Variants in ASIC2 observed in about 807,000 individuals in gnomAD.
The protein encoded by ASIC2 is acid-sensing ion channel 2.
ASIC2 carries 25 observed loss-of-function variants against 57.3 expected under a neutral mutation model. The observed-to-expected ratio is 0.44, with a 90% CI of 0.32 to 0.61. ASIC2 has a LOEUF of 0.61. Among genes scored for constraint, ASIC2 ranks in the 20% least tolerant of loss-of-function variants. The probability of loss-of-function intolerance (pLI) is 0.06; values close to 1 mark genes in which losing one functional copy is unlikely to be tolerated. For synonymous variants in ASIC2, 319 were observed against 307.5 expected, an observed-to-expected ratio of 1.04 and a Z score of -0.39; for missense variants, 641 against 738.1, an observed-to-expected ratio of 0.87 and a Z score of 1.52.
intron 1 of ASIC2, among the ~76,000 whole-genome samples, chr17:34,009,339 AC>A (rs1906635502): frequency 6.6e-6 from 1 of 152,228 alleles, no homozygotes; most frequent in African/African-American, 2.4e-5. Flanking sequence ...TGTGAAAGCC[AC>A]CAGCCACACT....
chr17:33,271,696 C>A (rs1361204294), intron 1 of ASIC2, among the ~76,000 whole-genome samples: 1 of 152,238 alleles, frequency 6.6e-6, no homozygotes, highest in Non-Finnish European at 1.5e-5. Flanking sequence ...CTAGTCCAGT[C>A]CACCAGCATC....
intron 1 of ASIC2, among the ~76,000 whole-genome samples, chr17:33,970,929 C>T (rs746669039): frequency 6.6e-6 from 1 of 152,152 alleles, no homozygotes; most frequent in Non-Finnish European, 1.5e-5. Flanking sequence ...AGATTCATCG[C>T]CCTTCAGTCC....
chr17:33,800,746 T>C (rs1330550570), intron 1 of ASIC2, among the ~76,000 whole-genome samples: 2 of 152,186 alleles, frequency 1.3e-5, no homozygotes, highest in African/African-American at 4.8e-5. Context: ...ATTATAGTGA[T>C]AGCAATAGAT....
intron 1 of ASIC2, among the ~76,000 whole-genome samples, chr17:33,115,103 C>T (rs1462618506): frequency 6.6e-6 from 1 of 152,174 alleles, no homozygotes; most frequent in Non-Finnish European, 1.5e-5. Context: ...AGGGCTGGTA[C>T]CCATCCTAGC....
At chr17:33,678,850 G>T (rs1907910450) in intron 1 of ASIC2, among the ~76,000 whole-genome samples, 1 of 152,090 alleles carries the variant, frequency 6.6e-6, no homozygotes, top group Non-Finnish European at 1.5e-5. Context: ...ACCCTCCCTT[G>T]TGATTCACTA....
chr17:34,104,395 T>C (rs929172566), intron 1 of ASIC2, among the ~76,000 whole-genome samples: 3 of 152,124 alleles, frequency 2.0e-5, no homozygotes, highest in African/African-American at 7.2e-5. Flanking sequence ...TGAGTTTGAA[T>C]TAATTAAATA....
chr17:33,136,437 A>G (rs1174850590), intron 1 of ASIC2, among the ~76,000 whole-genome samples: 2 of 152,246 alleles, frequency 1.3e-5, no homozygotes, highest in African/African-American at 4.8e-5. Context: ...ATCTGAGTGC[A>G]TACATGCTTG....
At position 33,291,618 on chromosome 17, in the gene ASIC2, G is replaced by A. The variant is rs751416838; in HGVS notation, c.498C>T (p.Thr166=). 1.2e-6 allele frequency: 2 copies of A among 1,608,418 alleles called. No individual in the cohort carries two copies. The highest frequency in any genetic ancestry group is 2.2e-5 in the South Asian group (2 of 90,794). Residue 166 remains threonine (T), a synonymous_variant, in exon 1 of 10, where the codon ACC becomes ACT. Transcript: ENST00000225823. ...HWLGLLLPNR[T]ARPLVSELLR... ...GCAGCTCGCTGACAAGCGGGCGCGCGGTGCGGTTGGGCAGCAGCAGCCCGA... is the reference window on the plus strand; with the variant it reads ...GCAGCTCGCTGACAAGCGGGCGCGCAGTGCGGTTGGGCAGCAGCAGCCCGA...
intron 1 of ASIC2, among the ~76,000 whole-genome samples, chr17:34,025,126 G>C (rs1421338831): frequency 6.6e-6 from 1 of 152,186 alleles, no homozygotes; most frequent in African/African-American, 2.4e-5. Flanking sequence ...GAGGCTGAGA[G>C]ACCAGCTCCT....
intron 1 of ASIC2, among the ~76,000 whole-genome samples, chr17:33,376,233 A>G (rs929103800): frequency 4.6e-5 from 7 of 152,164 alleles, no homozygotes; most frequent in African/African-American, 1.7e-4. Flanking sequence ...CAGTCAAAAA[A>G]GAATACAAAT....
chr17:33,441,296 A>T (rs930102101), intron 1 of ASIC2, among the ~76,000 whole-genome samples: 1 of 152,118 alleles, frequency 6.6e-6, no homozygotes, highest in African/African-American at 2.4e-5. Flanking sequence ...CCTCTTGAAA[A>T]ACATTTTTAA....
At chr17:33,056,248 C>T (rs904040762) in intron 3 of ASIC2, among the ~76,000 whole-genome samples, 1 of 152,210 alleles carries the variant, frequency 6.6e-6, no homozygotes, top group Non-Finnish European at 1.5e-5. Flanking sequence ...CACAGGTGGA[C>T]ACACCAACAC....
At chr17:33,103,079 G>T (rs189191026) in intron 2 of ASIC2, among the ~76,000 whole-genome samples, 1 of 152,132 alleles carries the variant, frequency 6.6e-6, no homozygotes, top group Non-Finnish European at 1.5e-5. Context: ...CACAGCACCC[G>T]GCCACATATT....
intron 1 of ASIC2, among the ~76,000 whole-genome samples, chr17:33,592,385 C>T (rs1904854657): frequency 6.6e-6 from 1 of 152,248 alleles, no homozygotes; most frequent in Admixed American, 6.5e-5. Context: ...TTAGGCCAGC[C>T]TCTATCTCAT....
chr17:33,547,256 G>A (rs1915607594), intron 1 of ASIC2, among the ~76,000 whole-genome samples: 1 of 148,026 alleles, frequency 6.8e-6, no homozygotes, highest in African/African-American at 2.7e-5. Flanking sequence ...TGGGGCAGCA[G>A]AGGGGGTGGG....
chr17:33,872,034 C>T (rs375264802), intron 1 of ASIC2, among the ~76,000 whole-genome samples: 9 of 152,102 alleles, frequency 5.9e-5, no homozygotes, highest in African/African-American at 2.2e-4. Flanking sequence ...CAGGCCCCTC[C>T]GCCACCCTAC....
intron 1 of ASIC2, among the ~76,000 whole-genome samples, chr17:33,732,042 A>G (rs1424475667): frequency 1.3e-5 from 2 of 152,246 alleles, no homozygotes; most frequent in African/African-American, 4.8e-5. Context: ...TTGAAAATTT[A>G]TATAGATGTA....
At chr17:33,752,737 A>G (rs1053590787) in intron 1 of ASIC2, among the ~76,000 whole-genome samples, 1 of 152,228 alleles carries the variant, frequency 6.6e-6, no homozygotes, top group African/African-American at 2.4e-5. Flanking sequence ...TGCAACTTAC[A>G]ACAAGAGTGA....
intron 1 of ASIC2, among the ~76,000 whole-genome samples, chr17:33,871,096 T>A (rs192753702): frequency 2.0e-5 from 3 of 152,246 alleles, no homozygotes; most frequent in African/African-American, 7.2e-5. Flanking sequence ...GACTGTCCCC[T>A]CCTCCTCTCC....
Sources: gnomAD v4.1 joint callset for allele counts (sites outside exome capture counted in the v4.1 genomes callset) on GRCh38, gnomAD v4.1.1 for gene constraint, MANE v1.5 for transcripts, NCBI Gene and HGNC (gene_info 2026-07-23, HGNC 2026-07-21) for gene names.